EPHB1: variants seen among roughly 807,000 people sequenced by gnomAD.
EPHB1 encodes ephrin type-B receptor 1.
EPHB1 carries 30 observed loss-of-function variants against 94.4 expected under a neutral mutation model. The observed-to-expected ratio is 0.32, with a 90% CI of 0.24 to 0.43. The LOEUF is 0.43. Among genes scored for constraint, EPHB1 ranks in the 20% least tolerant of loss-of-function variants. The probability of loss-of-function intolerance (pLI) is 1.00; values close to 1 mark genes in which losing one functional copy is unlikely to be tolerated. For synonymous variants in EPHB1, 522 were observed against 489.1 expected, an observed-to-expected ratio of 1.07 and a Z score of -0.89; for missense variants, 1,055 against 1,308.3, an observed-to-expected ratio of 0.81 and a Z score of 2.99.
At chr3:134,797,796 C>T (rs1282357369) in intron 1 of EPHB1, among the ~76,000 whole-genome samples, 1 of 152,140 alleles carries the variant, frequency 6.6e-6, no homozygotes, top group African/African-American at 2.4e-5. Flanking sequence ...CAGGAAGGAG[C>T]CTGACTCTGT....
intron 3 of EPHB1, among the ~76,000 whole-genome samples, chr3:135,088,611 G>A (rs1282889284): frequency 6.6e-6 from 1 of 152,190 alleles, no homozygotes; most frequent in Non-Finnish European, 1.5e-5. Context: ...GAAGATGGCT[G>A]CTTGAGTTCC....
chr3:134,828,755 G>A (rs2036530673), intron 1 of EPHB1, among the ~76,000 whole-genome samples: 1 of 152,228 alleles, frequency 6.6e-6, no homozygotes, highest in Non-Finnish European at 1.5e-5. Flanking sequence ...GGTGCTTCCT[G>A]GAGATGCTCA....
chr3:135,081,772 A>T (rs1174958146), intron 3 of EPHB1, among the ~76,000 whole-genome samples: 1 of 151,956 alleles, frequency 6.6e-6, no homozygotes, highest in Non-Finnish European at 1.5e-5. Context: ...CGGACAATCC[A>T]CTCATGTGGA....
rs1942755567 is a variant in EPHB1, at chr3:135,201,514, T to A, written c.2171T>A (p.Met724Lys). 6.2e-7 allele frequency: 1 copy of A among 1,614,004 alleles called. No homozygotes were observed. Among genetic ancestry groups the A allele is most frequent in the Non-Finnish European group, 8.5e-7 (1 of 1,179,994 alleles). ...TTCACCGTGATCCAGCTTGTGGGTA[T>A]GCTCAGGGGCATCGCTGCTGGCATG... is the stretch of plus-strand genomic sequence containing the variant. ...GQFTVIQLVGMLRGIAAGMKY... is the reference protein window; with the variant it reads ...GQFTVIQLVGKLRGIAAGMKY... The change falls in exon 12 of 16, where the codon ATG becomes AAG. Residue 724 changes from methionine (M) to lysine (K), a missense_variant. Coordinates refer to ENST00000398015, the MANE Select transcript of EPHB1 (RefSeq NM_004441.5).
intron 3 of EPHB1, among the ~76,000 whole-genome samples, chr3:135,029,094 C>T (rs372206630): frequency 9.4e-6 from 1 of 106,568 alleles, no homozygotes; most frequent in Non-Finnish European, 2.1e-5. Context: ...CTTCCTCCAT[C>T]CTTTTATTTT....
At chr3:134,923,495 C>T (rs1327997577) in intron 1 of EPHB1, among the ~76,000 whole-genome samples, 4 of 152,180 alleles carry the variant, frequency 2.6e-5, no homozygotes, top group African/African-American at 7.2e-5. Context: ...CTTTGGCCCC[C>T]CTGCGGTTCC....
chr3:134,886,775 T>A (rs1259401599), intron 1 of EPHB1, among the ~76,000 whole-genome samples: 1 of 152,078 alleles, frequency 6.6e-6, no homozygotes, highest in Non-Finnish European at 1.5e-5. Context: ...GTTTTTTTTT[T>A]AAATAGGTGA....
intron 12 of EPHB1, among the ~76,000 whole-genome samples, chr3:135,239,623 C>A (rs918422134): frequency 2.0e-5 from 3 of 152,188 alleles, no homozygotes; most frequent in African/African-American, 7.2e-5. Context: ...GAGTGATGAG[C>A]TTTTGAGGAC....
At chr3:134,898,444 T>A (rs946031157) in intron 1 of EPHB1, among the ~76,000 whole-genome samples, 28 of 152,240 alleles carry the variant, frequency 1.8e-4, no homozygotes, top group African/African-American at 6.5e-4. Flanking sequence ...TCTGACCCTG[T>A]CATCTAAAAT....
At chr3:135,234,283 T>C (rs1271862867) in intron 12 of EPHB1, among the ~76,000 whole-genome samples, 1 of 152,234 alleles carries the variant, frequency 6.6e-6, no homozygotes, top group Non-Finnish European at 1.5e-5. Context: ...GTCTCCTTGC[T>C]AAAGCACAGC....
At chr3:134,961,860 C>T (rs1933533763) in intron 3 of EPHB1, among the ~76,000 whole-genome samples, 3 of 152,122 alleles carry the variant, frequency 2.0e-5, no homozygotes, top group Admixed American at 2.0e-4. Flanking sequence ...AACAGATATC[C>T]TTGTGCATCA....
Position 134,795,616 on chromosome 3 carries a change from G to C in EPHB1, c.-16G>C. 6.2e-7 allele frequency: 1 copy of C among 1,603,522 alleles called. No individual in the cohort carries two copies. Among genetic ancestry groups the C allele is most frequent in the Non-Finnish European group, 8.5e-7 (1 of 1,176,132 alleles). The stretch of plus-strand genomic sequence containing the variant: ...CTGCCTCGGCTTGGTCTCGGCCTGC[G>C]GGCCGTCGGCCGGCGATGGCCCTGG... On this transcript the variant is annotated 5_prime_UTR_variant, in exon 1 of 16. Transcript: ENST00000398015.
chr3:135,073,882 C>T (rs1248455873), intron 3 of EPHB1, among the ~76,000 whole-genome samples: 1 of 152,084 alleles, frequency 6.6e-6, no homozygotes. Context: ...TAGCGTGTTC[C>T]TCTGTCCTCT....
intron 2 of EPHB1, among the ~76,000 whole-genome samples, chr3:134,948,327 A>T (rs9830286): frequency 0.53 from 79,035 of 150,162 alleles, 22,492 homozygotes; most frequent in African/African-American, 0.74. Flanking sequence ...ATAGCAGAAC[A>T]GTAAAAAAAA....
intron 9 of EPHB1, among the ~76,000 whole-genome samples, chr3:135,171,726 C>T (rs1000295763): frequency 6.6e-6 from 1 of 152,130 alleles, no homozygotes; most frequent in African/African-American, 2.4e-5. Flanking sequence ...GACAAAAATC[C>T]AAGCAATGTT....
chr3:135,200,458 G>GAGGT (rs1339100016), intron 11 of EPHB1, among the ~76,000 whole-genome samples: 1 of 152,210 alleles, frequency 6.6e-6, no homozygotes, highest in Non-Finnish European at 1.5e-5. Flanking sequence ...CTGTCCCTAT[G>GAGGT]AGGTAGGTGT....
chr3:134,925,301 T>A (rs2038767106), intron 1 of EPHB1, among the ~76,000 whole-genome samples: 2 of 152,168 alleles, frequency 1.3e-5, no homozygotes, highest in African/African-American at 4.8e-5. Context: ...TCAATATAGA[T>A]GCCTGATGGG....
intron 1 of EPHB1, among the ~76,000 whole-genome samples, chr3:134,889,740 C>T (rs143156571): frequency 7.2e-5 from 11 of 151,772 alleles, no homozygotes; most frequent in African/African-American, 1.9e-4. Flanking sequence ...TGCACTGGCG[C>T]GATCTCCGCT....
intron 3 of EPHB1, among the ~76,000 whole-genome samples, chr3:135,046,049 G>C (rs115258841): frequency 1.3e-5 from 2 of 152,192 alleles, no homozygotes; most frequent in African/African-American, 4.8e-5. Context: ...GGAAGCAAAA[G>C]TGAGGCTATA....
Sources: gnomAD v4.1 joint callset for allele counts (sites outside exome capture counted in the v4.1 genomes callset) on GRCh38, gnomAD v4.1.1 for gene constraint, MANE v1.5 for transcripts, NCBI Gene and HGNC (gene_info 2026-07-23, HGNC 2026-07-21) for gene names.